FBN3: variants seen among roughly 807,000 people sequenced by gnomAD.
FBN3 encodes the protein fibrillin 3.
Under a neutral mutation model 330.1 loss-of-function variants are expected in FBN3, and 234 were observed. That is an observed-to-expected ratio of 0.71 (90% confidence interval 0.64 to 0.79). FBN3 has a LOEUF of 0.79. Among genes scored for constraint, FBN3 ranks in the 30% least tolerant of loss-of-function variants. The probability of loss-of-function intolerance (pLI) is 0.00; values close to 1 mark genes in which losing one functional copy is unlikely to be tolerated. For missense variants in FBN3, 3,606 were observed against 3,886.9 expected, an observed-to-expected ratio of 0.93 and a Z score of 1.92; for synonymous variants, 1,458 against 1,517.3, an observed-to-expected ratio of 0.96 and a Z score of 0.91.
chr19:8,115,761 T>C, intron 29 of FBN3, 121 bp from the exon 30 acceptor site: 1 of 1,138,808 alleles, frequency 8.8e-7, no homozygotes, highest in Non-Finnish European at 1.3e-6. Context: ...AGGTCCTCTC[T>C]GCTAGGACTC....
intron 3 of FBN3, among the ~76,000 whole-genome samples, chr19:8,146,439 G>A (rs1029426354): frequency 6.6e-6 from 1 of 152,220 alleles, no homozygotes; most frequent in Non-Finnish European, 1.5e-5. Context: ...GCTGTGGGTT[G>A]GGGACTCTGC....
intron 34 of FBN3, among the ~76,000 whole-genome samples, chr19:8,110,069 G>A (rs1359037857): frequency 6.6e-6 from 1 of 152,116 alleles, no homozygotes; most frequent in African/African-American, 2.4e-5. Context: ...ATTTATTGAT[G>A]TTTAGAGACA....
At position 8,109,608 on chromosome 19, in the gene FBN3, T is replaced by G; in HGVS notation, c.4456+23A>C. 1 of 1,583,252 alleles carries G rather than the reference T, an allele frequency of 6.3e-7. No homozygotes were observed. The highest frequency in any genetic ancestry group is 8.6e-7 in the Non-Finnish European group (1 of 1,163,570). On this transcript the variant is annotated intron_variant, in intron 35 of 63. Transcript: ENST00000600128. The surrounding 1 kb of genome is among the most constrained non-coding windows in gnomAD (Gnocchi z 5.2). ...ACCTCTGCTGACCCCAGAACCCTGA[T>G]CTGGAGTTGAGCATGGACTCACCCA...
rs914265244 is a variant in FBN3, at chr19:8,081,057, C to A, written c.7399G>T (p.Ala2467Ser). The change falls in exon 59 of 64, where the codon GCC becomes TCC. Residue 2467 changes from alanine to serine, a missense_variant. Transcript: ENST00000600128. ...CCGGGCGGACAGCGGCAGGTGAAGG[C>A]GCCCACAGTGTTGACACAGAGGAAC... ...CQFLCVNTVGAFTCRCPPGFT... is the reference protein window; with the variant it reads ...CQFLCVNTVGSFTCRCPPGFT... 1.1e-5 allele frequency: 17 copies of A among 1,613,462 alleles called. No homozygotes were observed. Among genetic ancestry groups the A allele is most frequent in the Non-Finnish European group, 1.4e-5 (17 of 1,179,938 alleles).
chr19:8,135,925 C>T (rs777053838), intron 13 of FBN3, 36 bp downstream of exon 13: 53 of 1,396,716 alleles, frequency 3.8e-5, no homozygotes, highest in African/African-American at 4.4e-5. Flanking sequence ...TAGTGGGGCC[C>T]GGAAGCCCCT....
Position 8,075,279 on chromosome 19 carries a change from G to A in FBN3, c.7582+4C>T, listed in dbSNP as rs748156927. On this transcript the variant is annotated splice_donor_region_variant and intron_variant, in intron 60 of 63. Transcript: ENST00000600128. ...ACTAGACCCCAGCCAAAGCTGGGCT[G>A]TACCTTCACAGCCATGGCCTGAGCT... is the stretch of plus-strand genomic sequence containing the variant. 1.9e-6 allele frequency: 3 copies of A among 1,609,984 alleles called. No individual in the cohort carries two copies. The highest frequency in any genetic ancestry group is 2.2e-5 in the South Asian group (2 of 90,782).
rs367798918 is a variant in FBN3, at chr19:8,066,083, G to A, written c.8266C>T (p.Arg2756Cys). ...CCCAGCTGCAGGGAGCTGACGCCAC[G>A]GAGGTGATGCATGCGAAAGAAACCT... ...EQGFFRMHHL[R>C]GVSSLQLGRR... Residue 2756 changes from arginine (R) to cysteine (C), a missense_variant, in exon 64 of 64, where the codon CGT becomes TGT. Coordinates refer to ENST00000600128, the MANE Select transcript of FBN3 (RefSeq NM_032447.5). 6.1e-5 allele frequency: 99 copies of A among 1,613,354 alleles called. 1 individual carries two copies. In the South Asian group the frequency reaches 9.8e-4, roughly 16 times the overall value.
chr19:8,110,002 C>T (rs1257862031), intron 34 of FBN3, among the ~76,000 whole-genome samples: 1 of 152,198 alleles, frequency 6.6e-6, no homozygotes, highest in Non-Finnish European at 1.5e-5. Context: ...TTGAACTCTA[C>T]CTGCCCTGGG....
At chr19:8,107,078 A>G (rs1445218582) in intron 37 of FBN3, among the ~76,000 whole-genome samples, 1 of 146,844 alleles carries the variant, frequency 6.8e-6, no homozygotes, top group East Asian at 2.2e-4. Context: ...TGATGAATGG[A>G]TGAATGGGTG....
chr19:8,076,247 C>CGCGTGTGTGT (rs1555724953), intron 59 of FBN3, among the ~76,000 whole-genome samples: 3 of 147,646 alleles, frequency 2.0e-5, no homozygotes, highest in African/African-American at 5.0e-5. Context: ...TGTCCGTGTG[C>CGCGTGTGTGT]GTGTGTGTGT....
intron 51 of FBN3, among the ~76,000 whole-genome samples, chr19:8,088,848 CAAACGAGT>C (rs1471668640): frequency 2.0e-5 from 3 of 151,472 alleles, no homozygotes; most frequent in African/African-American, 7.3e-5. Flanking sequence ...AATGAGGGAG[CAAACGAGT>C]GAATGAGTGA....
Position 8,141,742 on chromosome 19 carries a change from G to A in FBN3, c.840C>T (p.Leu280=). ...CTTCACATGCGGCGCTGCTGTCACT[G>A]AGCCGGTGTCCAACTGGACAGCGGC... ...FHCRCPVGHR[L]SDSSAACEDY... Residue 280 remains leucine (L), a synonymous_variant, in exon 8 of 64, where the codon CTC becomes CTT. Coordinates refer to ENST00000600128, the MANE Select transcript of FBN3 (RefSeq NM_032447.5). The A allele has an allele frequency of 6.2e-6, 10 of 1,614,072 alleles. No homozygotes were observed. Among genetic ancestry groups the A allele is most frequent in the South Asian group, 1.1e-5 (1 of 91,064 alleles).
At chr19:8,118,486 C>T (rs556941582) in intron 26 of FBN3, among the ~76,000 whole-genome samples, 30 of 152,182 alleles carry the variant, frequency 2.0e-4, no homozygotes, top group South Asian at 6.2e-4. Flanking sequence ...AACACACCTA[C>T]GCACATGCAA....
rs141988371 is a variant in FBN3 at position 8,087,940 on chromosome 19, G to C, written c.6504C>G (p.Asp2168Glu). The C allele has an allele frequency of 1.9e-6, 3 of 1,614,094 alleles. No individual in the cohort carries two copies. The highest frequency in any genetic ancestry group is 1.7e-6 in the Non-Finnish European group (2 of 1,179,996). Residue 2168 changes from aspartate to glutamate, a missense_variant, in exon 53 of 64, where the codon GAC becomes GAG. Physicochemically the swap from Asp to Glu is conservative, Grantham distance 45. Coordinates refer to ENST00000600128, the MANE Select transcript of FBN3 (RefSeq NM_032447.5). ...AGAGCAGCGGGTTCAGGGAGCATTC[G>C]TCGATGTCTGGGGAGGCCAGTGGAG... ...PGLMMTCEDIDECSLNPLLCA... is the reference protein window; with the variant it reads ...PGLMMTCEDIEECSLNPLLCA...
chr19:8,142,151 A>T lies in FBN3; in HGVS notation c.542-14T>A, dbSNP rs1221130952. The T allele has an allele frequency of 6.3e-7, 1 of 1,591,898 alleles. No homozygotes were observed. Among genetic ancestry groups the T allele is most frequent in the Admixed American group, 1.7e-5 (1 of 58,838 alleles). On this transcript the variant is annotated splice_polypyrimidine_tract_variant and intron_variant, in intron 6 of 63. Transcript: ENST00000600128. ...CCGTCCGGTAATCTGCAGGGCAGAC[A>T]GATGTGGGTACCTGGCTGAGGGCTG...
intron 55 of FBN3, among the ~76,000 whole-genome samples, 148 bp downstream of exon 55, chr19:8,086,037 AGGGACAGGCAGTGGG>A (rs1273610884): frequency 6.7e-4 from 34 of 50,484 alleles, no homozygotes; most frequent in African/African-American, 1.5e-3. Context: ...AGGCAGTGGG[AGGGACAGGCAGTGGG>A]GGGAACAGGC....
intron 59 of FBN3, among the ~76,000 whole-genome samples, chr19:8,080,070 C>G (rs922228394): frequency 6.6e-6 from 1 of 152,228 alleles, no homozygotes; most frequent in Non-Finnish European, 1.5e-5. Flanking sequence ...CTCTTCTCTG[C>G]CAATATAGTG....
In FBN3 at chr19:8,108,234, C is replaced by T. The variant is rs1055351416; in HGVS notation, c.4623G>A (p.Glu1541=). 2 of 1,610,404 alleles carry T rather than the reference C, an allele frequency of 1.2e-6. No homozygotes were observed. The highest frequency in any genetic ancestry group is 2.2e-5 in the East Asian group (1 of 44,752). ...CELCPMANTT[E]YRTLCPGGEG... is the part of the protein sequence containing the mutation. Reference sequence around the variant, plus strand: ...CACCACCCGGGCACAGGGTTCTGTACTCAGCTGTAAAGGGAAACAGGCTCC... The same window carrying T: ...CACCACCCGGGCACAGGGTTCTGTATTCAGCTGTAAAGGGAAACAGGCTCC... The change falls in exon 37 of 64, where the codon GAG becomes GAA. Residue 1541 remains glutamate (E), a synonymous_variant. Coordinates refer to ENST00000600128, the MANE Select transcript of FBN3 (RefSeq NM_032447.5).
At chr19:8,139,180 C>G (rs190842797) in intron 8 of FBN3, among the ~76,000 whole-genome samples, 84 of 152,020 alleles carry the variant, frequency 5.5e-4, no homozygotes, top group Admixed American at 2.7e-3. Context: ...AACCCAGTCT[C>G]TACTAAAAAT....
Sources: allele counts gnomAD v4.1 joint callset (sites outside exome capture counted in the v4.1 genomes callset), GRCh38; gene constraint gnomAD v4.1.1; non-coding constraint Gnocchi (gnomAD v3.1); transcripts MANE v1.5; gene names NCBI Gene and HGNC (gene_info 2026-07-23, HGNC 2026-07-21).